NVL: variants seen among roughly 807,000 people sequenced by gnomAD.
NVL encodes the protein nuclear VCP like.
In NVL, 84 loss-of-function variants were observed where a neutral mutation model predicts 110.2. The observed-to-expected ratio is 0.76, with a 90% CI of 0.64 to 0.91. The LOEUF is 0.91. Among genes scored for constraint, NVL ranks in the 40% least tolerant of loss-of-function variants. The pLI, the probability that NVL is intolerant of heterozygous loss-of-function variation, is 0.00. For synonymous variants in NVL, 354 were observed against 361.1 expected, an observed-to-expected ratio of 0.98 and a Z score of 0.22; for missense variants, 882 against 1,035.9, an observed-to-expected ratio of 0.85 and a Z score of 2.04.
chr1:224,247,067 A>AC lies in NVL; in HGVS notation c.2289+3144_2289+3145insG, dbSNP rs1260096474. On this transcript the variant is annotated intron_variant, in intron 19 of 22. Coordinates refer to ENST00000281701, the MANE Select transcript of NVL (RefSeq NM_002533.4). ...TGACATACTGTGTCAAAAAAAAAAA[A>AC]AAAAAAACAGAGCCAACGAAAGGGA... Among the ~76,000 whole-genome samples, 293 of 149,840 alleles carry AC rather than the reference A, an allele frequency of 2.0e-3. 1 individual carries two copies. Among genetic ancestry groups the AC allele is most frequent in the Middle Eastern group, 6.9e-3 (2 of 288 alleles).
At chr1:224,243,028 C>T (rs1238790778) in intron 19 of NVL, among the ~76,000 whole-genome samples, 4 of 149,972 alleles carry the variant, frequency 2.7e-5, no homozygotes, top group African/African-American at 9.8e-5. Flanking sequence ...GTGATCTGTC[C>T]GCCTTGGCCT....
chr1:224,264,833 C>T (rs915076235), intron 18 of NVL, among the ~76,000 whole-genome samples: 3 of 151,996 alleles, frequency 2.0e-5, no homozygotes, highest in African/African-American at 4.8e-5. Flanking sequence ...CTCCGCTTCC[C>T]GGGTTCAAGT....
At chr1:224,294,472 T>A (rs1667687521) in intron 11 of NVL, 61 bp from the exon 12 acceptor site, 2 of 1,532,584 alleles carry the variant, frequency 1.3e-6, no homozygotes, top group Non-Finnish European at 1.8e-6. Flanking sequence ...CAATAATGGT[T>A]ACAGAATCAT....
intron 6 of NVL, 22 bp downstream of exon 6, chr1:224,307,969 T>C (rs780487781): frequency 1.3e-6 from 2 of 1,510,632 alleles, no homozygotes; most frequent in African/African-American, 2.8e-5. Context: ...GATATGGGGC[T>C]AAAATTTCAT....
chr1:224,256,541 A>G (rs1663281532), intron 18 of NVL, among the ~76,000 whole-genome samples: 1 of 151,924 alleles, frequency 6.6e-6, no homozygotes, highest in Non-Finnish European at 1.5e-5. Flanking sequence ...AAGCATTCTT[A>G]GTTTGGGAGT....
At chr1:224,239,134 C>A (rs567303592) in intron 19 of NVL, among the ~76,000 whole-genome samples, 64 of 152,008 alleles carry the variant, frequency 4.2e-4, no homozygotes, top group Non-Finnish European at 8.7e-4. Context: ...TTTCTTGAAT[C>A]TCTAAATCTA....
chr1:224,276,325 C>G (rs1347817160), intron 16 of NVL, among the ~76,000 whole-genome samples: 1 of 152,084 alleles, frequency 6.6e-6, no homozygotes, highest in East Asian at 1.9e-4. Flanking sequence ...AACCTCCACG[C>G]CCCCAGGCTC....
chr1:224,245,947 G>C (rs1316616098), intron 19 of NVL, among the ~76,000 whole-genome samples: 2 of 151,578 alleles, frequency 1.3e-5, no homozygotes, highest in African/African-American at 4.8e-5. Context: ...TGTCTTTTTT[G>C]ATTTTTTTCT....
intron 1 of NVL, among the ~76,000 whole-genome samples, chr1:224,327,351 G>A (rs1324126633): frequency 1.3e-5 from 2 of 151,912 alleles, no homozygotes; most frequent in Admixed American, 6.6e-5. Flanking sequence ...GCTGAGGTGG[G>A]AGAATCACTT....
Position 224,250,231 on chromosome 1 carries a change from A to T in NVL, c.2270T>A (p.Ile757Asn). 6.2e-7 allele frequency: 1 copy of T among 1,610,308 alleles called. No homozygotes were observed. The highest frequency in any genetic ancestry group is 8.5e-7 in the Non-Finnish European group (1 of 1,178,694). ...ACTCACTTTTGTGATAGTTTTTAAG[A>T]TGGCAAGGCGATCTGCAGGGGGCGG... ...GLPPPADRLA[I>N]LKTITKNGTK... The change falls in exon 19 of 23, where the codon ATC becomes AAC. Residue 757 changes from isoleucine (I) to asparagine (N), a missense_variant. This residue lies in a region of NVL where 126 missense variants were observed against 140.7 expected (regional missense o/e 0.90). Transcript: ENST00000281701.
rs1490533633 is a variant in NVL at position 224,247,574 on chromosome 1, C to A, written c.2289+2638G>T. ...ATCCCAGCTACTCAGGAGGTTGAGG[C>A]AGGAGAATCACCTGAATGCGGGAGG... On this transcript the variant is annotated intron_variant, in intron 19 of 22. Transcript: ENST00000281701. Among the ~76,000 whole-genome samples, 3 of 151,902 alleles carry A rather than the reference C, an allele frequency of 2.0e-5. No homozygotes were observed. The East Asian group carries it at 5.8e-4, about 30-fold the overall frequency.
At chr1:224,310,856 GAGTAGCT>G (rs1669449645) in intron 5 of NVL, among the ~76,000 whole-genome samples, 1 of 151,856 alleles carries the variant, frequency 6.6e-6, no homozygotes, top group South Asian at 2.1e-4. Context: ...TCAGCCTCCT[GAGTAGCT>G]AGGACTATGG....
At chr1:224,245,809 C>T (rs1253117250) in intron 19 of NVL, among the ~76,000 whole-genome samples, 12 of 150,118 alleles carry the variant, frequency 8.0e-5, no homozygotes, top group African/African-American at 1.2e-4. Context: ...AAAAATTAGC[C>T]GGGCGTGGTA....
intron 19 of NVL, among the ~76,000 whole-genome samples, chr1:224,243,810 G>A (rs141090494): frequency 0.11 from 16,370 of 151,044 alleles, 1,215 homozygotes; most frequent in East Asian, 0.38. Context: ...TACAGGCACC[G>A]GCCACCACAC....
intron 2 of NVL, among the ~76,000 whole-genome samples, chr1:224,319,212 T>C (rs930881671): frequency 1.4e-5 from 2 of 143,526 alleles, no homozygotes; most frequent in African/African-American, 5.2e-5. Flanking sequence ...TTAGCACAAA[T>C]AAGAAATTTA....
chr1:224,310,735 CCTCT>C (rs915895841), intron 5 of NVL, among the ~76,000 whole-genome samples: 5 of 149,198 alleles, frequency 3.4e-5, no homozygotes, highest in African/African-American at 9.8e-5. Context: ...CTTTCCTTCT[CCTCT>C]CTCTCTCTCT....
At chr1:224,237,730 C>CTTTTTTT (rs775411063) in intron 19 of NVL, among the ~76,000 whole-genome samples, 93,793 of 129,614 alleles carry the variant, frequency 0.72, 35,961 homozygotes, top group South Asian at 0.84. Flanking sequence ...TGCCTGGCTA[C>CTTTTTTT]TTTTTTTTTT....
intron 19 of NVL, among the ~76,000 whole-genome samples, chr1:224,245,034 T>C (rs776729472): frequency 7.2e-5 from 11 of 152,082 alleles, no homozygotes; most frequent in Non-Finnish European, 1.5e-4. Context: ...TATGAAGAAG[T>C]TGCTTTGACC....
chr1:224,296,520 T>C lies in NVL; in HGVS notation c.1161A>G (p.Gln387=), dbSNP rs1202538416. The C allele has an allele frequency of 6.3e-7, 1 of 1,596,876 alleles. No homozygotes were observed. Among genetic ancestry groups the C allele is most frequent in the African/African-American group, 1.3e-5 (1 of 74,684 alleles). The change falls in exon 11 of 23, where the codon CAA becomes CAG. Residue 387 remains glutamine (Q), a synonymous_variant. Coordinates refer to ENST00000281701, the MANE Select transcript of NVL (RefSeq NM_002533.4). ...SKDMERRIVA[Q]LLTCMDDLNN... ...ACTAACCATCCATGCAGGTTAGGAG[T>C]TGGGCTACAATTCTTCGTTCCATAT...
Sources: gnomAD v4.1 joint callset for allele counts (sites outside exome capture counted in the v4.1 genomes callset) on GRCh38, gnomAD v4.1.1 for gene constraint, gnomAD v4.1.1 regional missense constraint, MANE v1.5 for transcripts, NCBI Gene and HGNC (gene_info 2026-07-23, HGNC 2026-07-21) for gene names.